TAF7L: variants seen among roughly 807,000 people sequenced by gnomAD.
TAF7L encodes the protein TATA-box binding protein associated factor 7 like.
Under a neutral mutation model 30.2 loss-of-function variants are expected in TAF7L, and 6 were observed. The observed-to-expected ratio is 0.20, with a 90% confidence interval of 0.11 to 0.39. TAF7L has a LOEUF of 0.39. TAF7L is among the 10% of genes least tolerant of loss of function. TAF7L has a pLI of 1.00. For missense variants in TAF7L, 284 were observed against 277.1 expected (o/e 1.03, Z -0.18); for synonymous variants, 93 against 94.5 (o/e 0.98, Z 0.09).
At chrX:101,270,171 G>A (rs1156565358) in intron 12 of TAF7L, among the ~76,000 whole-genome samples, 5 of 111,871 alleles carry the variant, frequency 4.5e-5, no homozygotes, top group Non-Finnish European at 7.5e-5. Context: ...ACTTGAAATG[G>A]TAAAGTGACC....
intron 6 of TAF7L, among the ~76,000 whole-genome samples, chrX:101,280,307 A>AT (rs1602956477): frequency 8.9e-6 from 1 of 112,004 alleles, no homozygotes; most frequent in African/African-American, 3.2e-5. Flanking sequence ...AAATTCAATA[A>AT]TAAAAAATCA....
At chrX:101,281,885 C>CT (rs150397187) in intron 5 of TAF7L, 110 bp from the exon 6 acceptor site, 12,549 of 423,334 alleles carry the variant, frequency 0.03, 16 homozygotes, top group African/African-American at 0.035. Context: ...GACATCACTC[C>CT]TTTTTTTTTT....
In TAF7L at chrX:101,278,109, G is replaced by T; in HGVS notation, c.517C>A (p.Pro173Thr). ...KSSFTEYIES[P>T]DVENEVKRLL... is the part of the protein sequence containing the mutation. ...CTCTTTACTTCATTTTCCACGTCTG[G>T]AGATTCAATGTACTGAAGCAAAGTT... is the stretch of plus-strand genomic sequence containing the variant. Residue 173 changes from proline to threonine, a missense_variant, in exon 8 of 13, where the codon CCA (proline) becomes ACA (threonine). Physicochemically the swap from Pro to Thr is conservative, Grantham distance 38. Coordinates refer to ENST00000356784, the MANE Select transcript of TAF7L (RefSeq NM_001168474.2). 8.3e-7 allele frequency: 1 copy of T among 1,209,958 alleles called. No individual in the cohort carries two copies. Among genetic ancestry groups the T allele is most frequent in the South Asian group, 1.8e-5 (1 of 56,920 alleles).
rs757545024 is a variant in TAF7L at position 101,277,599 on chromosome X, A to G, written c.691+7T>C. The stretch of plus-strand genomic sequence containing the variant: ...CTGAAACTCCTGCTTTGCCTTTACT[A>G]AAGTACCTGACGAGGTATGACCCTG... On this transcript the variant is annotated splice_region_variant and intron_variant, in intron 9 of 12. Coordinates refer to ENST00000356784, the MANE Select transcript of TAF7L (RefSeq NM_001168474.2). The G allele has an allele frequency of 1.8e-6, 2 of 1,134,630 alleles. No individual in the cohort carries two copies. Among genetic ancestry groups the G allele is most frequent in the South Asian group, 2.0e-5 (1 of 49,504 alleles). The allele number at this position is 1,134,630 out of a possible 1,213,427, so 93.5% of individuals were successfully genotyped here.
intron 1 of TAF7L, chrX:101,287,782 C>T (rs1018357349): frequency 1.7e-5 from 5 of 301,498 alleles, no homozygotes; most frequent in African/African-American, 8.3e-5. Flanking sequence ...ATCCAAATTA[C>T]ATGATGTAAT....
chrX:101,278,503 T>C (rs369094748), intron 7 of TAF7L, among the ~76,000 whole-genome samples: 3 of 112,118 alleles, frequency 2.7e-5, no homozygotes, highest in Admixed American at 9.5e-5. Context: ...GGTTTAAAGA[T>C]CCAAATTCCC....
In TAF7L at chrX:101,282,340, G is replaced by A; in HGVS notation, c.393C>T (p.Val131=). The change falls in exon 5 of 13, where the codon GTC becomes GTT. Residue 131 remains valine (V), a synonymous_variant. Transcript: ENST00000356784. ...KKERGREEKC[V]WKHGITPPLK... is the part of the protein sequence containing the mutation. Reference sequence around the variant, plus strand: ...CTGGTGACTTACTGCCATGCTTCCAGACACATTTTTCTTCTCTCCCCCTTT... The same window carrying A: ...CTGGTGACTTACTGCCATGCTTCCAAACACATTTTTCTTCTCTCCCCCTTT... 1 of 1,211,318 alleles carries A rather than the reference G, an allele frequency of 8.3e-7. No homozygotes were observed. The highest frequency in any genetic ancestry group is 1.1e-6 in the Non-Finnish European group (1 of 895,259).
At chrX:101,281,240 T>C (rs868827239) in intron 6 of TAF7L, among the ~76,000 whole-genome samples, 12 of 112,249 alleles carry the variant, frequency 1.1e-4, no homozygotes, top group South Asian at 3.7e-4. Context: ...GGGTACACGA[T>C]ATCTCTCTTT....
At chrX:101,285,306 G>A (rs1163415864) in intron 3 of TAF7L, among the ~76,000 whole-genome samples, 1 of 109,752 alleles carries the variant, frequency 9.1e-6, no homozygotes. Flanking sequence ...GACCAGCCTG[G>A]TCAACATGGT....
At chrX:101,285,710 C>G (rs1342130953) in intron 3 of TAF7L, among the ~76,000 whole-genome samples, 1 of 108,728 alleles carries the variant, frequency 9.2e-6, no homozygotes, top group African/African-American at 3.3e-5. Flanking sequence ...TTTTCATGAA[C>G]CTTTTGGCTA....
At chrX:101,281,376 A>G (rs1924403370) in intron 6 of TAF7L, among the ~76,000 whole-genome samples, 1 of 112,237 alleles carries the variant, frequency 8.9e-6, no homozygotes, top group Non-Finnish European at 1.9e-5. Flanking sequence ...CTGAAATAAC[A>G]TTAGGAATAT....
rs1924784474 is a variant in TAF7L, at chrX:101,291,216, C to T, written c.-3+8G>A. 1.2e-5 allele frequency: 9 copies of T among 748,303 alleles called. No individual in the cohort carries two copies. Among genetic ancestry groups the T allele is most frequent in the Non-Finnish European group, 1.4e-5 (9 of 633,719 alleles). The allele number at this position is 748,303 out of a possible 1,213,427, so 61.7% of individuals were successfully genotyped here. On this transcript the variant is annotated splice_region_variant and intron_variant, in intron 1 of 12. Transcript: ENST00000356784. ...GGTCCCGGCCGCCCGGTCGGCCGCCCGACTCACCCGCTCCTCCGGGAACTG... is the reference window on the plus strand; with the variant it reads ...GGTCCCGGCCGCCCGGTCGGCCGCCTGACTCACCCGCTCCTCCGGGAACTG...
chrX:101,281,812 T>TACCATCAGTCATATAAC, intron 5 of TAF7L, 37 bp from the exon 6 acceptor site: 2 of 1,134,618 alleles, frequency 1.8e-6, no homozygotes, highest in Non-Finnish European at 2.4e-6. Context: ...GTTATATGAC[T>TACCATCAGTCATATAAC]GATGGTAGTC....
At chrX:101,280,474 G>A (rs752372732) in intron 6 of TAF7L, among the ~76,000 whole-genome samples, 67 of 111,581 alleles carry the variant, frequency 6.0e-4, no homozygotes, top group African/African-American at 2.1e-3. Context: ...GAAAAATAGT[G>A]ACAACACCTA....
At chrX:101,273,494 G>A (rs1417314903) in intron 12 of TAF7L, among the ~76,000 whole-genome samples, 4 of 111,376 alleles carry the variant, frequency 3.6e-5, no homozygotes, top group African/African-American at 1.3e-4. Flanking sequence ...GAGGCTGAGG[G>A]AGGACAATCT....
At chrX:101,279,123 GT>G in intron 6 of TAF7L, 88 bp from the exon 7 acceptor site, 2 of 783,303 alleles carry the variant, frequency 2.6e-6, no homozygotes, top group Non-Finnish European at 1.9e-6. Context: ...CCTTAACTTA[GT>G]TTTACATTTA....
chrX:101,269,257 G>A lies in TAF7L; in HGVS notation c.1087-20C>T. ...AATGAGCTGTAGGGAGAGGTAGAAA[G>A]ACATGAAAAATTCATTTGAAATTTG... is the stretch of plus-strand genomic sequence containing the variant. On this transcript the variant is annotated intron_variant, in intron 12 of 12. Transcript: ENST00000356784. 2 of 1,188,415 alleles carry A rather than the reference G, an allele frequency of 1.7e-6. No individual in the cohort carries two copies. Among genetic ancestry groups the A allele is most frequent in the Non-Finnish European group, 2.3e-6 (2 of 880,162 alleles).
Position 101,277,727 on chromosome X carries a change from G to A in TAF7L, c.578-8C>T. ...CAGCAATGACTTCCCAACCTGAAAG[G>A]AGTGGGTAGTCAAGGAAAACACAGA... On this transcript the variant is annotated splice_region_variant and splice_polypyrimidine_tract_variant and intron_variant, in intron 8 of 12. Coordinates refer to ENST00000356784, the MANE Select transcript of TAF7L (RefSeq NM_001168474.2). The A allele has an allele frequency of 8.8e-7, 1 of 1,140,713 alleles. No individual in the cohort carries two copies. The highest frequency in any genetic ancestry group is 1.2e-6 in the Non-Finnish European group (1 of 837,482). The allele number at this position is 1,140,713 out of a possible 1,213,427, so 94.0% of individuals were successfully genotyped here.
rs1163185033 is a variant in TAF7L at position 101,271,818 on chromosome X, A to T, written c.1087-2581T>A. On this transcript the variant is annotated intron_variant, in intron 12 of 12. Transcript: ENST00000356784. ...CATATATGCAGTCTGTCATTGGCCAAAATGTTGTTATGCAGCATACAACTG... is the reference window on the plus strand; with the variant it reads ...CATATATGCAGTCTGTCATTGGCCATAATGTTGTTATGCAGCATACAACTG... 3.6e-5 allele frequency among the ~76,000 whole-genome samples: 4 copies of T among 112,423 alleles called. No homozygotes were observed. In the South Asian group the frequency reaches 1.5e-3, roughly 42 times the overall value.
Sources: allele counts gnomAD v4.1 joint callset (sites outside exome capture counted in the v4.1 genomes callset), GRCh38; gene constraint gnomAD v4.1.1; transcripts MANE v1.5; gene names NCBI Gene and HGNC (gene_info 2026-07-23, HGNC 2026-07-21).